ZNF83: variants seen among roughly 807,000 people sequenced by gnomAD.
The protein encoded by ZNF83 is zinc finger protein 83, also known as zinc finger protein 816B.
For synonymous variants in ZNF83, 209 were observed against 213.0 expected (o/e 0.98, Z 0.17); for missense variants, 552 against 629.9 (o/e 0.88, Z 1.32).
At chr19:52,686,154 C>A (rs2062011606) in intron 1 of ZNF83, among the ~76,000 whole-genome samples, 1 of 152,062 alleles carries the variant, frequency 6.6e-6, no homozygotes, top group South Asian at 2.1e-4. Context: ...CACACTGAAA[C>A]AATCAAACTT....
chr19:52,627,979 G>C (rs2060805144), intron 2 of ZNF83, among the ~76,000 whole-genome samples: 1 of 151,960 alleles, frequency 6.6e-6, no homozygotes. Flanking sequence ...TGGCTCAAAA[G>C]CTCCCCCACT....
At chr19:52,686,224 G>A (rs1204394838) in intron 1 of ZNF83, among the ~76,000 whole-genome samples, 1 of 151,944 alleles carries the variant, frequency 6.6e-6, no homozygotes, top group Non-Finnish European at 1.5e-5. Context: ...TGCAGACCTC[G>A]ATCTGAACTG....
chr19:52,614,816 C>T lies in ZNF83; in HGVS notation c.-233-19G>A. ...AAAATACCTACAAGATATAAGGATCCCACAGTTTCCAATTAATTACAGATA... is the reference window on the plus strand; with the variant it reads ...AAAATACCTACAAGATATAAGGATCTCACAGTTTCCAATTAATTACAGATA... On this transcript the variant is annotated intron_variant, in intron 2 of 2. Transcript: ENST00000301096. 1 of 1,265,320 alleles carries T rather than the reference C, an allele frequency of 7.9e-7. No homozygotes were observed. Among genetic ancestry groups the T allele is most frequent in the Non-Finnish European group, 1.0e-6 (1 of 997,940 alleles). 78.4% of individuals were successfully genotyped at this position (1,265,320 alleles called of 1,614,324 possible).
At chr19:52,627,887 C>G (rs913241781) in intron 2 of ZNF83, among the ~76,000 whole-genome samples, 3 of 152,232 alleles carry the variant, frequency 2.0e-5, no homozygotes, top group Admixed American at 1.3e-4. Flanking sequence ...TGATGACATT[C>G]CACCACAAAA....
intron 3 of ZNF83, among the ~76,000 whole-genome samples, chr19:52,648,401 G>A (rs903477845): frequency 6.6e-6 from 1 of 151,822 alleles, no homozygotes; most frequent in African/African-American, 2.4e-5. Context: ...AAAAGCTAAG[G>A]CTAAAGTAAT....
chr19:52,615,437 C>A (rs1345670377), intron 2 of ZNF83, among the ~76,000 whole-genome samples: 1 of 152,130 alleles, frequency 6.6e-6, no homozygotes, highest in African/African-American at 2.4e-5. Context: ...ATATGATAGA[C>A]ACAGCAAGAA....
chr19:52,666,215 G>C (rs1183437413), intron 1 of ZNF83, among the ~76,000 whole-genome samples: 1 of 150,926 alleles, frequency 6.6e-6, no homozygotes, highest in Non-Finnish European at 1.5e-5. Context: ...GAGAGAAAGA[G>C]ACAGAGAGAC....
At chr19:52,636,320 GTTAA>G (rs1221242728) in intron 1 of ZNF83, 1 of 150,930 alleles carries the variant, frequency 6.6e-6, no homozygotes, top group African/African-American at 2.4e-5. Flanking sequence ...CTTAATGTTA[GTTAA>G]TTAATTAAGT....
At chr19:52,653,705 C>T (rs1228313640) in intron 3 of ZNF83, among the ~76,000 whole-genome samples, 2 of 151,772 alleles carry the variant, frequency 1.3e-5, no homozygotes, top group Non-Finnish European at 2.9e-5. Context: ...GACTTGTGAC[C>T]GAAGGTCTTG....
intron 1 of ZNF83, among the ~76,000 whole-genome samples, chr19:52,673,109 T>C (rs891537098): frequency 2.5e-4 from 38 of 152,164 alleles, no homozygotes; most frequent in African/African-American, 8.9e-4. Context: ...CTCAGGAGAC[T>C]GAGGCATGAG....
chr19:52,617,728 CAAAAAAAAAAAAAA>C (rs60669262), intron 2 of ZNF83: 2 of 118,984 alleles, frequency 1.7e-5, no homozygotes, highest in Non-Finnish European at 3.6e-5. Context: ...GAGATTGTCT[CAAAAAAAAAAAAAA>C]AAAAAAAAAA....
chr19:52,640,648 T>A (rs1186431391), upstream of ZNF83, among the ~76,000 whole-genome samples: 3 of 152,130 alleles, frequency 2.0e-5, no homozygotes, highest in Non-Finnish European at 4.4e-5. Flanking sequence ...TTGTCAGTCC[T>A]CTCTGCAACC....
chr19:52,684,969 G>C (rs537677425), intron 1 of ZNF83, among the ~76,000 whole-genome samples: 66 of 152,296 alleles, frequency 4.3e-4, no homozygotes, highest in African/African-American at 1.5e-3. Flanking sequence ...GCACTGACAT[G>C]ACCTGCTTTA....
At chr19:52,619,354 G>A (rs921640767) in intron 2 of ZNF83, among the ~76,000 whole-genome samples, 2 of 152,200 alleles carry the variant, frequency 1.3e-5, no homozygotes, top group Non-Finnish European at 2.9e-5. Context: ...TTGGCCAGGT[G>A]CTGTGGCTCA....
At chr19:52,680,014 T>C (rs2061881358) in intron 1 of ZNF83, among the ~76,000 whole-genome samples, 1 of 152,086 alleles carries the variant, frequency 6.6e-6, no homozygotes, top group Non-Finnish European at 1.5e-5. Flanking sequence ...GTCCTGTCGC[T>C]ACTAAAAATA....
At chr19:52,659,117 G>T (rs1387203391) in intron 2 of ZNF83, among the ~76,000 whole-genome samples, 1 of 152,090 alleles carries the variant, frequency 6.6e-6, no homozygotes, top group Admixed American at 6.5e-5. Context: ...CCTCTTGTGA[G>T]GAGCAATACC....
At chr19:52,638,858 G>T (rs567665105), upstream of ZNF83, among the ~76,000 whole-genome samples, 6 of 152,310 alleles carry the variant, frequency 3.9e-5, no homozygotes, top group South Asian at 1.0e-3. Flanking sequence ...GGGCGCGGGA[G>T]TGGGAGCCTG....
exon 3 of ZNF83, chr19:52,614,462 C>T (rs368489992): frequency 1.9e-6 from 3 of 1,612,644 alleles, no homozygotes; most frequent in African/African-American, 1.3e-5. Flanking sequence ...TATATTTTCC[C>T]TTCAGCTTGA....
intron 3 of ZNF83, among the ~76,000 whole-genome samples, chr19:52,645,140 C>T (rs925833776): frequency 2.6e-5 from 4 of 151,888 alleles, no homozygotes; most frequent in African/African-American, 9.7e-5. Context: ...GCTTACAGCT[C>T]AAGATTTTAA....
Sources: gnomAD v4.1 joint callset for allele counts (sites outside exome capture counted in the v4.1 genomes callset) on GRCh38, gnomAD v4.1.1 for gene constraint, MANE v1.5 for transcripts, NCBI Gene and HGNC (gene_info 2026-07-23, HGNC 2026-07-21) for gene names.